The following ATM variants were observed in gnomAD, a reference collection of about 807,000 sequenced individuals.
The protein encoded by ATM is serine-protein kinase ATM.
In ATM, 308 loss-of-function variants were observed where a neutral mutation model predicts 387.0. The ratio of observed to expected loss-of-function variants is 0.80; its 90% CI spans 0.73 to 0.87. The LOEUF (loss-of-function observed/expected upper bound fraction) is 0.87. Among genes scored for constraint, ATM ranks in the 40% least tolerant of loss-of-function variants. The pLI, the probability that ATM is intolerant of heterozygous loss-of-function variation, is 0.00. For missense variants in ATM, 3,312 were observed against 3,560.9 expected, an observed-to-expected ratio of 0.93 and a Z score of 1.78; for synonymous variants, 1,156 against 1,187.3, an observed-to-expected ratio of 0.97 and a Z score of 0.54.
rs1223225865 is a variant in ATM, at chr11:108,366,661, G to A, written c.*1153G>A. 1 of 231,160 alleles carries A rather than the reference G, an allele frequency of 4.3e-6. No individual in the cohort carries two copies. Among genetic ancestry groups the A allele is most frequent in the Non-Finnish European group, 8.6e-6 (1 of 116,810 alleles). The allele number at this position is 231,160 out of a possible 1,614,324, so 14.3% of individuals were successfully genotyped here. On this transcript the variant is annotated 3_prime_UTR_variant, in exon 63 of 63. Coordinates refer to ENST00000675843, the MANE Select transcript of ATM (RefSeq NM_000051.4). ...TTCTTATTTTAATTTCTTGGCTTTA[G>A]GGTTTCCATACCTGAAGTGTAGCAT...
At chr11:108,292,974 A>G (rs1296202474) in intron 30 of ATM, among the ~76,000 whole-genome samples, 181 bp downstream of exon 30, 1 of 152,212 alleles carries the variant, frequency 6.6e-6, no homozygotes, top group Non-Finnish European at 1.5e-5. Flanking sequence ...AGCACTTGGT[A>G]CTTTTGATAG....
chr11:108,308,071 G>A (rs1310306080), intron 38 of ATM, 87 bp downstream of exon 38: 3 of 1,256,936 alleles, frequency 2.4e-6, no homozygotes, highest in African/African-American at 3.0e-5. Context: ...ATTATTTTAG[G>A]TGAAGGTGTT....
At position 108,247,077 on chromosome 11, in the gene ATM, AT is replaced by A. The variant is rs1469427343; in HGVS notation, c.1017del (p.Ile339MetfsTer7). On this transcript the variant is annotated frameshift_variant, in exon 8 of 63. Coordinates refer to ENST00000675843, the MANE Select transcript of ATM (RefSeq NM_000051.4). LOFTEE classifies it high-confidence loss of function. ...RGKYSSGFRN[I>X]AVKENLIELM... ...AAAGTATTCTTCAGGATTTCGTAAT[AT>A]TGCCGTCAAAGAAAATTTGATTGAA... 4 of 1,613,848 alleles carry A rather than the reference AT, an allele frequency of 2.5e-6. No individual in the cohort carries two copies. In the African/African-American group the frequency reaches 5.3e-5, roughly 22 times the overall value.
chr11:108,263,910 A>G (rs1403152591), intron 16 of ATM, among the ~76,000 whole-genome samples: 3 of 149,920 alleles, frequency 2.0e-5, no homozygotes, highest in South Asian at 2.1e-4. Flanking sequence ...GGACACATAC[A>G]CTCTCCCAAG....
Position 108,356,842 on chromosome 11 carries a change from C to G in ATM, c.8850+1968C>G, listed in dbSNP as rs2283264. On this transcript the variant is annotated intron_variant, in intron 61 of 62. Coordinates refer to ENST00000675843, the MANE Select transcript of ATM (RefSeq NM_000051.4). ...GCCAGATCCTTTGCCATTGTAAGGA[C>G]TTTGGATTTCCTTTGAGTGAGGGTT... 7.4e-3 allele frequency among the ~76,000 whole-genome samples: 1,126 copies of G among 152,246 alleles called. 28 individuals are homozygous for G. The highest frequency in any genetic ancestry group is 0.056 in the Admixed American group (854 of 15,292).
chr11:108,255,801 G>A (rs1052209782), intron 13 of ATM, among the ~76,000 whole-genome samples: 2 of 152,086 alleles, frequency 1.3e-5, no homozygotes, highest in African/African-American at 2.4e-5. Context: ...AATAAGTCAA[G>A]GTTCCTATTC....
At chr11:108,231,162 A>C (rs1166895779) in intron 4 of ATM, among the ~76,000 whole-genome samples, 1 of 152,178 alleles carries the variant, frequency 6.6e-6, no homozygotes, top group African/African-American at 2.4e-5. Context: ...GATTTGAGGA[A>C]AAAAACAACC....
chr11:108,333,163 T>C (rs2086465433), intron 53 of ATM, among the ~76,000 whole-genome samples: 1 of 152,196 alleles, frequency 6.6e-6, no homozygotes, highest in South Asian at 2.1e-4. Context: ...TTACAGAGAA[T>C]TGCATAATAG....
At chr11:108,269,144 T>A (rs532640465) in intron 18 of ATM, among the ~76,000 whole-genome samples, 1 of 152,340 alleles carries the variant, frequency 6.6e-6, no homozygotes, top group African/African-American at 2.4e-5. Context: ...TACTTCAGTG[T>A]ATATTTCCTA....
chr11:108,307,661 A>G (rs1049087441), intron 37 of ATM, among the ~76,000 whole-genome samples: 4 of 152,352 alleles, frequency 2.6e-5, no homozygotes, highest in Middle Eastern at 3.4e-3. Context: ...GAATCAATTA[A>G]TTAGTCCTCC....
chr11:108,365,172 C>T lies in ATM; in HGVS notation c.8941C>T (p.His2981Tyr), dbSNP rs1555151422. 6.2e-7 allele frequency: 1 copy of T among 1,614,240 alleles called. No individual in the cohort carries two copies. The highest frequency in any genetic ancestry group is 2.2e-5 in the East Asian group (1 of 44,888). ...QQRPEDETELHPTLNADDQEC... is the reference protein window; with the variant it reads ...QQRPEDETELYPTLNADDQEC... Reference sequence around the variant, plus strand: ...GAGGCCGGAAGATGAAACTGAGCTTCACCCTACTCTGAATGCAGATGACCA... The same window carrying T: ...GAGGCCGGAAGATGAAACTGAGCTTTACCCTACTCTGAATGCAGATGACCA... The change falls in exon 62 of 63, where the codon CAC (histidine) becomes TAC (tyrosine). Residue 2981 changes from histidine to tyrosine, a missense_variant. By Grantham distance (83) the His-to-Tyr change is moderately conservative. Transcript: ENST00000675843.
At chr11:108,241,111 C>T (rs951839566) in intron 5 of ATM, among the ~76,000 whole-genome samples, 3 of 152,130 alleles carry the variant, frequency 2.0e-5, no homozygotes, top group African/African-American at 7.2e-5. Context: ...TGAGCTTAGG[C>T]CTACATAAGG....
Position 108,238,215 on chromosome 11 carries a change from C to T in ATM, c.496+2381C>T, listed in dbSNP as rs73561587. On this transcript the variant is annotated intron_variant, in intron 5 of 62. Coordinates refer to ENST00000675843, the MANE Select transcript of ATM (RefSeq NM_000051.4). Reference sequence around the variant, plus strand: ...GTGCTGGGTTTATAGACTTGAGCCACCGCGTCTGGCCACTTGTCTTTTTTG... The same window carrying T: ...GTGCTGGGTTTATAGACTTGAGCCATCGCGTCTGGCCACTTGTCTTTTTTG... Among the ~76,000 whole-genome samples the T allele has an allele frequency of 9.0e-3, 1,374 of 152,224 alleles. 20 individuals are homozygous for T. Among genetic ancestry groups the T allele is most frequent in the African/African-American group, 0.031 (1,298 of 41,540 alleles).
chr11:108,324,620 A>G (rs1313204371), intron 45 of ATM, among the ~76,000 whole-genome samples: 1 of 152,134 alleles, frequency 6.6e-6, no homozygotes, highest in Non-Finnish European at 1.5e-5. Flanking sequence ...TTCCCTATCA[A>G]GCAACTAAAA....
chr11:108,308,916 A>G (rs1486348367), intron 38 of ATM: 6 of 1,044,180 alleles, frequency 5.7e-6, no homozygotes, highest in Non-Finnish European at 8.6e-6. Flanking sequence ...AGTGGAGAGC[A>G]TTTGTTTTCT....
chr11:108,354,879 A>C lies in ATM; in HGVS notation c.8850+5A>C, dbSNP rs1057522186. The C allele has an allele frequency of 1.2e-6, 2 of 1,609,606 alleles. No homozygotes were observed. Among genetic ancestry groups the C allele is most frequent in the Non-Finnish European group, 1.7e-6 (2 of 1,175,900 alleles). ...ACTCTGTTAACCATTGTAGAGGTAA[A>C]GTATTTTATAAGGAAGACTTTATTT... On this transcript the variant is annotated splice_donor_5th_base_variant and intron_variant, in intron 61 of 62. Transcript: ENST00000675843.
At chr11:108,237,585 T>G (rs1478063934) in intron 5 of ATM, among the ~76,000 whole-genome samples, 1 of 152,214 alleles carries the variant, frequency 6.6e-6, no homozygotes. Context: ...CTTTTAAAAC[T>G]TGCTTAGATG....
At chr11:108,265,212 A>T (rs1260155167) in intron 16 of ATM, among the ~76,000 whole-genome samples, 1 of 151,964 alleles carries the variant, frequency 6.6e-6, no homozygotes, top group Non-Finnish European at 1.5e-5. Flanking sequence ...TGGAGGCATC[A>T]CACTACCTGA....
intron 18 of ATM, among the ~76,000 whole-genome samples, chr11:108,269,048 C>T (rs1483449941): frequency 6.6e-6 from 1 of 152,156 alleles, no homozygotes; most frequent in Non-Finnish European, 1.5e-5. Flanking sequence ...ATCATTCCCT[C>T]TCTCCACACA....
Sources: gnomAD v4.1 joint callset for allele counts (sites outside exome capture counted in the v4.1 genomes callset) on GRCh38, gnomAD v4.1.1 for gene constraint, MANE v1.5 for transcripts, NCBI Gene and HGNC (gene_info 2026-07-23, HGNC 2026-07-21) for gene names.